Variants in SPAG1 observed in about 807,000 individuals in gnomAD.
The protein encoded by SPAG1 is sperm associated antigen 1.
In SPAG1, 69 loss-of-function variants were observed where a neutral mutation model predicts 100.5. The ratio of observed to expected loss-of-function variants is 0.69; its 90% confidence interval spans 0.57 to 0.84. The LOEUF (loss-of-function observed/expected upper bound fraction) is 0.84. Among genes scored for constraint, SPAG1 ranks in the 40% least tolerant of loss-of-function variants. The pLI is 0.00. For missense variants in SPAG1, 955 were observed against 1,133.1 expected, an observed-to-expected ratio of 0.84 and a Z score of 2.26; for synonymous variants, 336 against 411.6, an observed-to-expected ratio of 0.82 and a Z score of 2.22.
intron 10 of SPAG1, among the ~76,000 whole-genome samples, chr8:100,209,418 C>A (rs1323099728): frequency 6.8e-6 from 1 of 147,392 alleles, no homozygotes; most frequent in Non-Finnish European, 1.5e-5. Context: ...TAGAGTGAGA[C>A]CCTGTCTCAA....
At chr8:100,217,348 T>G (rs1337827429) in intron 12 of SPAG1, among the ~76,000 whole-genome samples, 2 of 152,168 alleles carry the variant, frequency 1.3e-5, no homozygotes, top group Non-Finnish European at 1.5e-5. Flanking sequence ...AAAATAATTT[T>G]TAAATGTATT....
At chr8:100,203,442 G>A (rs376687732) in intron 10 of SPAG1, among the ~76,000 whole-genome samples, 18 of 152,248 alleles carry the variant, frequency 1.2e-4, no homozygotes, top group Admixed American at 3.3e-4. Flanking sequence ...CAGTTCTTTC[G>A]TTGGTTTTGG....
At position 100,213,072 on chromosome 8, in the gene SPAG1, G is replaced by T. The variant is rs1226448704; in HGVS notation, c.1097-18G>T. On this transcript the variant is annotated intron_variant, in intron 10 of 18. Coordinates refer to ENST00000388798, the MANE Select transcript of SPAG1 (RefSeq NM_003114.5). ...CCGGTGATGCAAACCCTCACTTCCC[G>T]CATCCACTTCCTCACAGAGCCCGCG... The T allele has an allele frequency of 4.2e-6, 6 of 1,444,668 alleles. No homozygotes were observed. Among genetic ancestry groups the T allele is most frequent in the African/African-American group, 3.0e-5 (2 of 66,286 alleles). The allele number at this position is 1,444,668 out of a possible 1,614,324, so 89.5% of individuals were successfully genotyped here.
intron 10 of SPAG1, among the ~76,000 whole-genome samples, chr8:100,203,361 C>T (rs749372388): frequency 3.3e-5 from 5 of 152,094 alleles, no homozygotes; most frequent in Non-Finnish European, 1.5e-5. Context: ...AGTTCTGTCC[C>T]TCTAGAGAAA....
At chr8:100,212,426 T>G (rs1399300922) in intron 10 of SPAG1, among the ~76,000 whole-genome samples, 1 of 152,246 alleles carries the variant, frequency 6.6e-6, no homozygotes, top group East Asian at 1.9e-4. Flanking sequence ...ATCCTTTTTA[T>G]ATTTAAAAAT....
chr8:100,239,111 G>T lies in SPAG1; in HGVS notation c.2116-129G>T, dbSNP rs1379283334. The T allele has an allele frequency of 2.0e-6, 1 of 498,832 alleles. No individual in the cohort carries two copies. Among genetic ancestry groups the T allele is most frequent in the East Asian group, 3.3e-5 (1 of 30,198 alleles). 30.9% of individuals were successfully genotyped at this position (498,832 alleles called of 1,614,324 possible). ...CATATTCACCCCACAGGCTCACTTT[G>T]TAAGAGTGGTATTAATGTGGACCCT... On this transcript the variant is annotated intron_variant, in intron 16 of 18. Transcript: ENST00000388798. This position sits in a 1 kb window ranked among gnomAD's most constrained non-coding sequence, Gnocchi z 5.0.
rs141161926 is a variant in SPAG1, at chr8:100,235,837, G to A, written c.2115+2300G>A. Among the ~76,000 whole-genome samples the A allele has an allele frequency of 8.5e-5, 13 of 152,082 alleles. No individual in the cohort carries two copies. The East Asian group carries it at 1.9e-3, about 23-fold the overall frequency. On this transcript the variant is annotated intron_variant, in intron 16 of 18. Transcript: ENST00000388798. ...ATGTGACCCTAACACATGCCTCCCCGCCGGCCCTCTTTTTTTTTGGTTAGC... is the reference window on the plus strand; with the variant it reads ...ATGTGACCCTAACACATGCCTCCCCACCGGCCCTCTTTTTTTTTGGTTAGC...
At chr8:100,216,844 A>G (rs1230176281) in intron 12 of SPAG1, among the ~76,000 whole-genome samples, 1 of 151,682 alleles carries the variant, frequency 6.6e-6, no homozygotes, top group East Asian at 1.9e-4. Flanking sequence ...GATTGCATAC[A>G]TGTTAAAGGG....
chr8:100,210,318 T>C (rs893373274), intron 10 of SPAG1, among the ~76,000 whole-genome samples: 2 of 152,194 alleles, frequency 1.3e-5, no homozygotes, highest in African/African-American at 4.8e-5. Context: ...TGATTGATTT[T>C]CTAATGCTGA....
intron 10 of SPAG1, among the ~76,000 whole-genome samples, chr8:100,210,553 C>T (rs1256759056): frequency 6.6e-6 from 1 of 152,152 alleles, no homozygotes; most frequent in Admixed American, 6.6e-5. Flanking sequence ...GCAGTATGCG[C>T]TCCTGTTTTT....
At position 100,184,629 on chromosome 8, in the gene SPAG1, TCTAA is replaced by T. The variant is rs1258068273; in HGVS notation, c.600_603del (p.Thr201ArgfsTer28). 9 of 1,550,096 alleles carry T rather than the reference TCTAA, an allele frequency of 5.8e-6. No homozygotes were observed. The highest frequency in any genetic ancestry group is 1.2e-5 in the South Asian group (1 of 82,566). On this transcript the variant is annotated frameshift_variant and splice_region_variant, in exon 7 of 19. Coordinates refer to ENST00000388798, the MANE Select transcript of SPAG1 (RefSeq NM_003114.5). LOFTEE classifies it high-confidence loss of function. ...ATAGCAGATAACATTTATTTCTAGG[TCTAA>T]CTGAGAAAGAAAAGGATTTTCTTGC...
rs1394830292 is a variant in SPAG1, at chr8:100,212,971, C to A, written c.1097-119C>A. ...CAGGCTCCGCCCGCAGGGGCGGTGC[C>A]CGAGCCGGCTTCCCTAGAGCCCGCC... On this transcript the variant is annotated intron_variant, in intron 10 of 18. Transcript: ENST00000388798. 5.0e-6 allele frequency: 4 copies of A among 795,624 alleles called. No individual in the cohort carries two copies. The African/African-American group carries it at 5.7e-5, about 11-fold the overall frequency. 49.3% of individuals were successfully genotyped at this position (795,624 alleles called of 1,614,324 possible).
At chr8:100,162,163 T>C in intron 1 of SPAG1, 116 bp from the exon 2 acceptor site, 1 of 813,354 alleles carries the variant, frequency 1.2e-6, no homozygotes, top group Non-Finnish European at 1.9e-6. Flanking sequence ...ACTCTGTCTC[T>C]ACAAAAAATT....
chr8:100,164,552 A>C (rs1815462100), intron 2 of SPAG1, among the ~76,000 whole-genome samples: 1 of 151,996 alleles, frequency 6.6e-6, no homozygotes, highest in South Asian at 2.1e-4. Flanking sequence ...AGCCTCCTGC[A>C]TAGCTGGGAT....
intron 2 of SPAG1, among the ~76,000 whole-genome samples, 192 bp downstream of exon 2, chr8:100,162,612 C>A (rs552818596): frequency 1.3e-5 from 2 of 152,274 alleles, no homozygotes; most frequent in African/African-American, 4.8e-5. Context: ...GAGACGCAGG[C>A]TAATTAATAT....
At chr8:100,173,796 T>C (rs1009750403) in intron 3 of SPAG1, among the ~76,000 whole-genome samples, 1 of 152,192 alleles carries the variant, frequency 6.6e-6, no homozygotes, top group African/African-American at 2.4e-5. Flanking sequence ...GAAGCACTTT[T>C]AGCCCAACTA....
At chr8:100,193,320 A>T (rs775272248) in intron 9 of SPAG1, among the ~76,000 whole-genome samples, 10 of 151,962 alleles carry the variant, frequency 6.6e-5, no homozygotes, top group Non-Finnish European at 1.2e-4. Context: ...AGTTAGCCAG[A>T]CATGGTGGTG....
rs747506730 is a variant in SPAG1, at chr8:100,168,687, C to CTTTTTTT, written c.300+2719_300+2725dup. ...AGCATGAGCCACCATGCCCAGCCATCTTTTTTTTTTTGTTGTTGAGACAGA... is the reference window on the plus strand; with the variant it reads ...AGCATGAGCCACCATGCCCAGCCATCTTTTTTTTTTTTTTTTTTGTTGTTGAGACAGA... On this transcript the variant is annotated intron_variant, in intron 3 of 18. Coordinates refer to ENST00000388798, the MANE Select transcript of SPAG1 (RefSeq NM_003114.5). Among the ~76,000 whole-genome samples the CTTTTTTT allele has an allele frequency of 6.7e-4, 64 of 95,622 alleles. 1 individual carries two copies. The highest frequency in any genetic ancestry group is 1.2e-3 in the African/African-American group (27 of 22,456). 62.7% of individuals were successfully genotyped at this position (95,622 alleles called of 152,430 possible).
intron 9 of SPAG1, among the ~76,000 whole-genome samples, chr8:100,193,333 G>A (rs1816891228): frequency 6.6e-6 from 1 of 151,916 alleles, no homozygotes; most frequent in Admixed American, 6.6e-5. Context: ...TGGTGGTGTG[G>A]GCCTGTAGTC....
Sources: gnomAD v4.1 joint callset for allele counts (sites outside exome capture counted in the v4.1 genomes callset) on GRCh38, gnomAD v4.1.1 for gene constraint, Gnocchi (gnomAD v3.1) non-coding constraint, MANE v1.5 for transcripts, NCBI Gene and HGNC (gene_info 2026-07-23, HGNC 2026-07-21) for gene names.